Variants in NAA60 observed in about 807,000 individuals in gnomAD.
The protein encoded by NAA60 is N-alpha-acetyltransferase 60.
In NAA60, 8 loss-of-function variants were observed where a neutral mutation model predicts 26.1. The ratio of observed to expected loss-of-function variants is 0.31; its 90% CI spans 0.18 to 0.55. The LOEUF (loss-of-function observed/expected upper bound fraction) is 0.55. NAA60 is among the 20% of genes least tolerant of loss of function. NAA60 has a pLI of 0.93. For synonymous variants in NAA60, 131 were observed against 122.5 expected (o/e 1.07, Z -0.46); for missense variants, 290 against 311.3 (o/e 0.93, Z 0.51).
In NAA60 at chr16:3,448,524, G is replaced by C. The variant is rs1452398691; in HGVS notation, c.-23G>C. 1 of 1,535,616 alleles carries C rather than the reference G, an allele frequency of 6.5e-7. No individual in the cohort carries two copies. Among genetic ancestry groups the C allele is most frequent in the East Asian group, 2.4e-5 (1 of 40,902 alleles). On this transcript the variant is annotated 5_prime_UTR_variant, in exon 2 of 8. Coordinates refer to ENST00000407558, the MANE Select transcript of NAA60 (RefSeq NM_001083601.3). ...GAAGTGCGGAGCCAGCCTGAGTTGG[G>C]AGAAGAGCTCCAGAGAGTGAGTCAA...
At chr16:3,459,016 G>C (rs1049084850) in intron 2 of NAA60, among the ~76,000 whole-genome samples, 1 of 152,178 alleles carries the variant, frequency 6.6e-6, no homozygotes, top group African/African-American at 2.4e-5. Flanking sequence ...GACATTGGCC[G>C]TTTCGTGGGT....
At chr16:3,485,117 G>A (rs1026208634) in intron 7 of NAA60, 56 bp downstream of exon 7, 7 of 1,024,202 alleles carry the variant, frequency 6.8e-6, no homozygotes, top group East Asian at 5.2e-5. Context: ...CCACAAAAGT[G>A]GAAGGCCCTG....
intron 2 of NAA60, among the ~76,000 whole-genome samples, chr16:3,455,480 C>T (rs539934766): frequency 2.6e-5 from 4 of 151,106 alleles, no homozygotes; most frequent in African/African-American, 9.8e-5. Flanking sequence ...CTGCAAGCTC[C>T]ACCTCCTGGG....
At chr16:3,452,682 C>G (rs1440561254) in intron 2 of NAA60, among the ~76,000 whole-genome samples, 1 of 151,162 alleles carries the variant, frequency 6.6e-6, no homozygotes, top group Non-Finnish European at 1.5e-5. Flanking sequence ...CTTGGTTGAG[C>G]ATGGTGGCTC....
At chr16:3,470,550 T>C (rs1001427466) in intron 2 of NAA60, among the ~76,000 whole-genome samples, 3 of 152,148 alleles carry the variant, frequency 2.0e-5, no homozygotes, top group African/African-American at 4.8e-5. Context: ...GTGGCCCTCA[T>C]AGCCAGCTCC....
intron 1 of NAA60, 178 bp downstream of exon 1, chr16:3,444,015 C>T: frequency 1.7e-6 from 2 of 1,210,830 alleles, no homozygotes; most frequent in Non-Finnish European, 2.1e-6. Flanking sequence ...ACGTTCACAT[C>T]GGTGTAGGCC....
chr16:3,478,846 G>C (rs998343206), intron 3 of NAA60, among the ~76,000 whole-genome samples: 1 of 152,092 alleles, frequency 6.6e-6, no homozygotes, highest in Non-Finnish European at 1.5e-5. Flanking sequence ...GGGTGAGAAG[G>C]GCCCTAAAAT....
intron 2 of NAA60, among the ~76,000 whole-genome samples, chr16:3,461,071 A>G (rs1405960973): frequency 6.6e-6 from 1 of 151,986 alleles, no homozygotes; most frequent in Non-Finnish European, 1.5e-5. Context: ...GCTCTATATC[A>G]TTCTTTTTAG....
At chr16:3,443,965 G>C (rs1342979315) in intron 1 of NAA60, 128 bp downstream of exon 1, 1 of 1,382,866 alleles carries the variant, frequency 7.2e-7, no homozygotes, top group Non-Finnish European at 9.4e-7. Flanking sequence ...CGGATGGTGG[G>C]GCCGTGGAAC....
chr16:3,478,150 C>A (rs905796591), intron 3 of NAA60, among the ~76,000 whole-genome samples: 1 of 152,112 alleles, frequency 6.6e-6, no homozygotes, highest in South Asian at 2.1e-4. Flanking sequence ...GCAGGAGAAT[C>A]ACTTGAACCC....
In NAA60 at chr16:3,485,538, C is replaced by G. The variant is rs1209299913; in HGVS notation, c.*278C>G. 1 of 455,312 alleles carries G rather than the reference C, an allele frequency of 2.2e-6. No homozygotes were observed. Among genetic ancestry groups the G allele is most frequent in the Admixed American group, 2.4e-5 (1 of 42,492 alleles). 28.2% of individuals were successfully genotyped at this position (455,312 alleles called of 1,614,324 possible). On this transcript the variant is annotated 3_prime_UTR_variant, in exon 8 of 8. Transcript: ENST00000407558. ...CTGGCCCTGCCCCCCTGCGCATGCACCGTCCCCAGGGCTGACCCAGTGTGG... is the reference window on the plus strand; with the variant it reads ...CTGGCCCTGCCCCCCTGCGCATGCAGCGTCCCCAGGGCTGACCCAGTGTGG...
At chr16:3,482,835 T>C in intron 5 of NAA60, 1 of 574,538 alleles carries the variant, frequency 1.7e-6, no homozygotes, top group Non-Finnish European at 3.1e-6. Context: ...GCCTTTCTGC[T>C]GCAGCCTCGC....
intron 2 of NAA60, among the ~76,000 whole-genome samples, chr16:3,457,305 A>C (rs2035043409): frequency 6.7e-6 from 1 of 149,804 alleles, no homozygotes; most frequent in Admixed American, 6.6e-5. Flanking sequence ...AAACCCAAAA[A>C]ACCTGTTTTT....
chr16:3,446,314 A>C (rs2034549703), intron 1 of NAA60, among the ~76,000 whole-genome samples: 1 of 152,012 alleles, frequency 6.6e-6, no homozygotes, highest in Non-Finnish European at 1.5e-5. Flanking sequence ...GGCAGATCAC[A>C]AGGTCAGGAG....
rs765461011 is a variant in NAA60, at chr16:3,479,548, T to C, written c.188T>C (p.Ile63Thr). ...CTTGCTGCAACCTACAGAGGTGCCA[T>C]TGTGGGAATGATAGTAGCTGAAATT... ...FSLAATYRGA[I>T]VGMIVAEIKN... The change falls in exon 4 of 8, where the codon ATT becomes ACT. Residue 63 changes from isoleucine to threonine, a missense_variant. Physicochemically the swap from Ile to Thr is moderately conservative, Grantham distance 89. Coordinates refer to ENST00000407558, the MANE Select transcript of NAA60 (RefSeq NM_001083601.3). 6 of 1,613,912 alleles carry C rather than the reference T, an allele frequency of 3.7e-6. No homozygotes were observed. Among genetic ancestry groups the C allele is most frequent in the Admixed American group, 3.3e-5 (2 of 60,004 alleles).
intron 2 of NAA60, among the ~76,000 whole-genome samples, chr16:3,451,550 A>C (rs143263736): frequency 2.6e-5 from 4 of 152,342 alleles, no homozygotes; most frequent in African/African-American, 7.2e-5. Context: ...CAAAAATAGA[A>C]AAGGTGATCA....
chr16:3,480,603 A>G (rs1407574203), intron 4 of NAA60, among the ~76,000 whole-genome samples: 2 of 151,694 alleles, frequency 1.3e-5, no homozygotes, highest in Non-Finnish European at 2.9e-5. Context: ...GTCTAAAAAA[A>G]AAAAAAAAGA....
intron 1 of NAA60, 22 bp downstream of exon 1, chr16:3,443,859 C>G (rs1182251525): frequency 1.3e-6 from 2 of 1,528,394 alleles, no homozygotes; most frequent in Non-Finnish European, 1.7e-6. Context: ...CAACAGTGCC[C>G]TGTAGGCCTG....
At chr16:3,476,505 G>A (rs566282556) in intron 3 of NAA60, among the ~76,000 whole-genome samples, 168 bp downstream of exon 3, 35 of 152,318 alleles carry the variant, frequency 2.3e-4, no homozygotes, top group Non-Finnish European at 4.0e-4. Context: ...AGGGACCCCT[G>A]CTGCTGGGCT....
Sources: allele counts gnomAD v4.1 joint callset (sites outside exome capture counted in the v4.1 genomes callset), GRCh38; gene constraint gnomAD v4.1.1; transcripts MANE v1.5; gene names NCBI Gene and HGNC (gene_info 2026-07-23, HGNC 2026-07-21).